Variants in CCDC6 observed in about 807,000 individuals in gnomAD.
CCDC6 encodes coiled-coil domain-containing protein 6.
In CCDC6, 20 loss-of-function variants were observed where a neutral mutation model predicts 56.6. The ratio of observed to expected loss-of-function variants is 0.35; its 90% confidence interval spans 0.25 to 0.51. The LOEUF (loss-of-function observed/expected upper bound fraction) is 0.51, where lower values mean the gene tolerates loss of function less well. CCDC6 is among the 20% of genes least tolerant of loss of function. CCDC6 has a pLI of 0.95. For synonymous variants in CCDC6, 241 were observed against 234.4 expected (o/e 1.03, Z -0.26); for missense variants, 367 against 601.1 (o/e 0.61, Z 4.07).
chr10:59,893,815 G>A (rs2071442518), intron 1 of CCDC6, among the ~76,000 whole-genome samples: 1 of 152,134 alleles, frequency 6.6e-6, no homozygotes, highest in Non-Finnish European at 1.5e-5. Flanking sequence ...TTAAGGTTAT[G>A]GAAAACACAA....
intron 1 of CCDC6, among the ~76,000 whole-genome samples, chr10:59,871,077 T>C (rs1364269211): frequency 2.0e-5 from 3 of 152,202 alleles, no homozygotes; most frequent in African/African-American, 7.2e-5. Flanking sequence ...CTAAAGACTA[T>C]GCACATTATG....
Position 59,793,048 on chromosome 10 carries a change from G to A in CCDC6, c.1294C>T (p.Pro432Ser). 1 of 1,614,054 alleles carries A rather than the reference G, an allele frequency of 6.2e-7. No individual in the cohort carries two copies. The highest frequency in any genetic ancestry group is 8.5e-7 in the Non-Finnish European group (1 of 1,179,886). Residue 432 changes from proline to serine, a missense_variant, in exon 9 of 9, where the codon CCC becomes TCC. This residue lies in a region of CCDC6 where 54 missense variants were observed against 60.0 expected (regional missense o/e 0.90). Coordinates refer to ENST00000263102, the MANE Select transcript of CCDC6 (RefSeq NM_005436.5). ...GGCTGGACTGGGGTCTGTGTGTTGG[G>A]AGATGGAGGCGGCGTGGGCCGTTTG... ...KFKRPTPPPS[P>S]NTQTPVQPPP...
At chr10:59,853,729 T>C (rs1159254790) in intron 1 of CCDC6, among the ~76,000 whole-genome samples, 3 of 152,080 alleles carry the variant, frequency 2.0e-5, no homozygotes, top group Non-Finnish European at 2.9e-5. Flanking sequence ...TATTTCCCTA[T>C]TGGGAATTTT....
chr10:59,882,787 C>T (rs1589060814), intron 1 of CCDC6, among the ~76,000 whole-genome samples: 1 of 152,056 alleles, frequency 6.6e-6, no homozygotes, highest in South Asian at 2.1e-4. Flanking sequence ...AGTGAAACCC[C>T]GCCTCTAGTA....
intron 3 of CCDC6, among the ~76,000 whole-genome samples, chr10:59,826,003 C>G (rs1313352221): frequency 6.6e-6 from 1 of 152,176 alleles, no homozygotes; most frequent in African/African-American, 2.4e-5. Context: ...GGGTCACTCC[C>G]TGTACTGCCC....
At position 59,804,466 on chromosome 10, in the gene CCDC6, C is replaced by A. The variant is rs16914155; in HGVS notation, c.1059G>T (p.Pro353=). 3.7e-6 allele frequency: 6 copies of A among 1,613,168 alleles called. No individual in the cohort carries two copies. The East Asian group carries it at 8.9e-5, about 24-fold the overall frequency. ...AACTCGGAGAAGGTGTGTAAGGGAT[C>A]GGGCTGGACACAGTGCGAGGTCTTA... ...QGLRPRTVSS[P]IPYTPSPSSS... is the part of the protein sequence containing the mutation. Residue 353 remains proline, a synonymous_variant, in exon 7 of 9, where the codon CCG becomes CCT. Transcript: ENST00000263102.
chr10:59,902,992 C>T (rs2071515488), intron 1 of CCDC6, among the ~76,000 whole-genome samples: 1 of 152,152 alleles, frequency 6.6e-6, no homozygotes, highest in South Asian at 2.1e-4. Context: ...CTATTTAACT[C>T]TGAACAGAAA....
intron 1 of CCDC6, among the ~76,000 whole-genome samples, chr10:59,879,475 T>C (rs2071314193): frequency 2.6e-5 from 4 of 152,154 alleles, no homozygotes; most frequent in Admixed American, 2.6e-4. Flanking sequence ...CATTCTACTG[T>C]AGGAAGGACA....
At chr10:59,877,506 T>TA (rs922030877) in intron 1 of CCDC6, among the ~76,000 whole-genome samples, 3 of 151,836 alleles carry the variant, frequency 2.0e-5, no homozygotes, top group African/African-American at 4.8e-5. Context: ...AACATTTCTA[T>TA]AAAAAAAATC....
chr10:59,789,375 G>T lies in CCDC6; in HGVS notation c.*3542C>A, dbSNP rs573369767. The T allele has an allele frequency of 4.8e-5, 11 of 229,962 alleles. No individual in the cohort carries two copies. Among genetic ancestry groups the T allele is most frequent in the Non-Finnish European group, 7.7e-5 (9 of 116,268 alleles). 14.2% of individuals were successfully genotyped at this position (229,962 alleles called of 1,614,324 possible). ...CTTGGCAGTTAATCAGAACTGCTGA[G>T]CATTCCAGAAAATGCCCCCCACGAC... On this transcript the variant is annotated 3_prime_UTR_variant, in exon 9 of 9. Transcript: ENST00000263102.
intron 1 of CCDC6, among the ~76,000 whole-genome samples, chr10:59,892,565 T>C (rs529376212): frequency 1.1e-4 from 17 of 152,286 alleles, no homozygotes; most frequent in Admixed American, 2.0e-4. Context: ...CATAATCTTA[T>C]AGGATTATCT....
At chr10:59,794,398 G>C (rs918695659) in intron 8 of CCDC6, 75 bp downstream of exon 8, 14 of 1,494,886 alleles carry the variant, frequency 9.4e-6, no homozygotes, top group Non-Finnish European at 1.3e-5. Flanking sequence ...TAAGGGCACC[G>C]ATCCTGTTCT....
intron 6 of CCDC6, chr10:59,806,622 A>G (rs541312847): frequency 3.3e-6 from 1 of 307,188 alleles, no homozygotes; most frequent in East Asian, 6.3e-5. Context: ...ATGACACTGG[A>G]TTAAACTAAT....
At chr10:59,804,582 T>C (rs2070604783) in intron 6 of CCDC6, 62 bp from the exon 7 acceptor site, 1 of 923,580 alleles carries the variant, frequency 1.1e-6, no homozygotes, top group Non-Finnish European at 1.8e-6. Flanking sequence ...TAGGAGAGTT[T>C]TTAAGAGAAA....
rs183978359 is a variant in CCDC6 at position 59,903,761 on chromosome 10, T to C, written c.303+2361A>G. On this transcript the variant is annotated intron_variant, in intron 1 of 8. Coordinates refer to ENST00000263102, the MANE Select transcript of CCDC6 (RefSeq NM_005436.5). ...AGCCTGCCACTAGCAAGGGTAATGC[T>C]TAAGTCAGCGATGTCAGGGATTGTA... is the stretch of plus-strand genomic sequence containing the variant. Among the ~76,000 whole-genome samples, 349 of 152,348 alleles carry C rather than the reference T, an allele frequency of 2.3e-3. 1 individual carries two copies. Among genetic ancestry groups the C allele is most frequent in the African/African-American group, 7.8e-3 (324 of 41,580 alleles).
chr10:59,840,389 T>C (rs2070927459), intron 2 of CCDC6, among the ~76,000 whole-genome samples: 1 of 152,178 alleles, frequency 6.6e-6, no homozygotes, highest in African/African-American at 2.4e-5. Context: ...TCTTACTGAT[T>C]TATAGTTCTT....
chr10:59,797,995 T>C (rs1230024013), intron 7 of CCDC6, among the ~76,000 whole-genome samples: 1 of 152,178 alleles, frequency 6.6e-6, no homozygotes, highest in South Asian at 2.1e-4. Flanking sequence ...ACATGTGGCA[T>C]GTGAAGCCCT....
chr10:59,900,014 T>A (rs1202081566), intron 1 of CCDC6, among the ~76,000 whole-genome samples: 3 of 152,162 alleles, frequency 2.0e-5, no homozygotes, highest in Non-Finnish European at 4.4e-5. Context: ...AGAGAGAGTG[T>A]TGGCACCTTC....
At chr10:59,870,431 T>A (rs1470080385) in intron 1 of CCDC6, among the ~76,000 whole-genome samples, 1 of 152,200 alleles carries the variant, frequency 6.6e-6, no homozygotes, top group Non-Finnish European at 1.5e-5. Context: ...CAGATGCCAC[T>A]GATACCAAAA....
Sources: gnomAD v4.1 joint callset for allele counts (sites outside exome capture counted in the v4.1 genomes callset) on GRCh38, gnomAD v4.1.1 for gene constraint, gnomAD v4.1.1 regional missense constraint, MANE v1.5 for transcripts, NCBI Gene and HGNC (gene_info 2026-07-23, HGNC 2026-07-21) for gene names.